Variants in PDE1A observed in about 807,000 individuals in gnomAD.
PDE1A encodes the protein dual specificity calcium/calmodulin-dependent 3',5'-cyclic nucleotide phosphodiesterase 1A.
In PDE1A, 35 loss-of-function variants were observed where a neutral mutation model predicts 61.7. The ratio of observed to expected loss-of-function variants is 0.57; its 90% confidence interval spans 0.43 to 0.75. The LOEUF (loss-of-function observed/expected upper bound fraction) is 0.75, where lower values mean the gene tolerates loss of function less well. Among genes scored for constraint, PDE1A ranks in the 30% least tolerant of loss-of-function variants. The probability of loss-of-function intolerance (pLI) is 0.00; values close to 1 mark genes in which losing one functional copy is unlikely to be tolerated. For missense variants in PDE1A, 597 were observed against 630.6 expected, an observed-to-expected ratio of 0.95 and a Z score of 0.57; for synonymous variants, 232 against 213.2, an observed-to-expected ratio of 1.09 and a Z score of -0.77.
chr2:182,141,379 TAC>T (rs1368411271), exon 15 of PDE1A: 14 of 152,212 alleles, frequency 9.2e-5, no homozygotes, highest in Admixed American at 1.3e-4. Flanking sequence ...AACCATGATG[TAC>T]ATATCTATAA....
chr2:182,704,237 A>C, the PDE1A span, among the ~76,000 whole-genome samples: 2 of 151,574 alleles, frequency 1.3e-5, no homozygotes, highest in African/African-American at 2.4e-5. Context: ...AAAAAAAAAA[A>C]ACTCAAGTTT....
At chr2:182,403,069 T>C (rs1024384799) in intron 1 of PDE1A, among the ~76,000 whole-genome samples, 1 of 151,258 alleles carries the variant, frequency 6.6e-6, no homozygotes, top group Non-Finnish European at 1.5e-5. Context: ...TTTTACAGTG[T>C]TGATGGGAGT....
intron 2 of PDE1A, among the ~76,000 whole-genome samples, chr2:182,520,057 T>C (rs372866975): frequency 6.6e-6 from 1 of 152,040 alleles, no homozygotes; most frequent in African/African-American, 2.4e-5. Context: ...AAAACTTAAG[T>C]GTAGAATTCT....
At chr2:182,523,299 GAGA>G (rs1286814684), upstream of PDE1A, 3 of 152,174 alleles carry the variant, frequency 2.0e-5, no homozygotes, top group African/African-American at 7.2e-5. Context: ...TTATGAGAGA[GAGA>G]AGGAGAAAGG....
the PDE1A span, among the ~76,000 whole-genome samples, chr2:182,643,214 G>A: frequency 3.5e-4 from 53 of 152,326 alleles, 2 homozygotes; most frequent in South Asian, 7.5e-3. Flanking sequence ...CCAGTCACAA[G>A]TTACCAAGCA....
chr2:182,227,418 T>C (rs1409164048), intron 6 of PDE1A, among the ~76,000 whole-genome samples: 2 of 152,072 alleles, frequency 1.3e-5, no homozygotes, highest in South Asian at 4.1e-4. Flanking sequence ...CTTGATTCCT[T>C]GTGTATCTAA....
the PDE1A span, among the ~76,000 whole-genome samples, chr2:182,609,870 C>G: frequency 6.6e-6 from 1 of 152,148 alleles, no homozygotes; most frequent in African/African-American, 2.4e-5. Flanking sequence ...GGTGGATCAT[C>G]TGTGGTCAGG....
intron 13 of PDE1A, among the ~76,000 whole-genome samples, chr2:182,174,101 G>A (rs1384493744): frequency 6.6e-6 from 1 of 152,090 alleles, no homozygotes; most frequent in African/African-American, 2.4e-5. Flanking sequence ...ACAGGGGAAT[G>A]TAGGTCTTTG....
At chr2:182,577,987 A>G in the PDE1A span, among the ~76,000 whole-genome samples, 2 of 147,410 alleles carry the variant, frequency 1.4e-5, no homozygotes, top group African/African-American at 5.1e-5. Context: ...GAAGGAAGGA[A>G]GGAAGGGACG....
At chr2:182,331,891 G>A (rs1393526884) in intron 1 of PDE1A, among the ~76,000 whole-genome samples, 1 of 152,110 alleles carries the variant, frequency 6.6e-6, no homozygotes, top group Non-Finnish European at 1.5e-5. Flanking sequence ...TTGAATGTTG[G>A]CCTGCCTTGC....
At chr2:182,465,214 A>C (rs1191501039) in intron 2 of PDE1A, among the ~76,000 whole-genome samples, 1 of 152,144 alleles carries the variant, frequency 6.6e-6, no homozygotes, top group Non-Finnish European at 1.5e-5. Flanking sequence ...CAAATATTTA[A>C]AATCTAACCT....
the PDE1A span, among the ~76,000 whole-genome samples, chr2:182,561,923 C>A: frequency 2.0e-5 from 3 of 152,230 alleles, no homozygotes; most frequent in East Asian, 3.9e-4. Flanking sequence ...TGAGACTTTG[C>A]TGAAGTTGCT....
intron 1 of PDE1A, among the ~76,000 whole-genome samples, chr2:182,400,704 A>G (rs944721818): frequency 1.3e-5 from 2 of 152,206 alleles, no homozygotes; most frequent in African/African-American, 4.8e-5. Context: ...TGAGTTTAAT[A>G]CAGTAAGAGG....
At chr2:182,557,487 A>C in the PDE1A span, among the ~76,000 whole-genome samples, 5 of 151,818 alleles carry the variant, frequency 3.3e-5, no homozygotes, top group Non-Finnish European at 7.4e-5. Context: ...CAAGGTGGGC[A>C]GATCGCTTGA....
At chr2:182,363,889 G>A (rs952760462) in intron 1 of PDE1A, among the ~76,000 whole-genome samples, 1 of 151,968 alleles carries the variant, frequency 6.6e-6, no homozygotes, top group Non-Finnish European at 1.5e-5. Flanking sequence ...TAGAGGCTCA[G>A]AACGTATAGA....
chr2:182,423,722 T>A (rs2125594190), intron 1 of PDE1A, among the ~76,000 whole-genome samples: 1 of 152,208 alleles, frequency 6.6e-6, no homozygotes, highest in South Asian at 2.1e-4. Flanking sequence ...TATCTAGGTA[T>A]ATCCTCAATG....
chr2:182,416,501 T>C (rs993638911), intron 1 of PDE1A, among the ~76,000 whole-genome samples: 1 of 152,206 alleles, frequency 6.6e-6, no homozygotes, highest in Non-Finnish European at 1.5e-5. Context: ...ATCATCACAG[T>C]TATGTAATAA....
chr2:182,149,468 T>C (rs1298397840), intron 13 of PDE1A, among the ~76,000 whole-genome samples: 1 of 152,214 alleles, frequency 6.6e-6, no homozygotes, highest in Non-Finnish European at 1.5e-5. Context: ...GATAAGAGTT[T>C]CGTAGCACTG....
intron 2 of PDE1A, among the ~76,000 whole-genome samples, chr2:182,436,100 C>T (rs2079816231): frequency 6.6e-6 from 1 of 151,936 alleles, no homozygotes; most frequent in South Asian, 2.1e-4. Context: ...AAATAGGTTA[C>T]AACACTTATT....
Sources: gnomAD v4.1 joint callset for allele counts (sites outside exome capture counted in the v4.1 genomes callset) on GRCh38, gnomAD v4.1.1 for gene constraint, MANE v1.5 for transcripts, NCBI Gene and HGNC (gene_info 2026-07-23, HGNC 2026-07-21) for gene names.